SLC23A2: variants seen among roughly 807,000 people sequenced by gnomAD.
SLC23A2 encodes Na(+)/L-ascorbic acid transporter 2.
SLC23A2 carries 36 observed loss-of-function variants against 73.3 expected under a neutral mutation model. The ratio of observed to expected loss-of-function variants is 0.49; its 90% confidence interval spans 0.38 to 0.65. SLC23A2 has a LOEUF of 0.65. SLC23A2 is among the 30% of genes least tolerant of loss of function. SLC23A2 has a pLI of 0.00. For missense variants in SLC23A2, 507 were observed against 841.6 expected (o/e 0.60, Z 4.92); for synonymous variants, 343 against 327.3 (o/e 1.05, Z -0.52).
intron 6 of SLC23A2, among the ~76,000 whole-genome samples, chr20:4,895,761 G>C (rs966185603): frequency 1.3e-5 from 2 of 152,160 alleles, no homozygotes; most frequent in African/African-American, 4.8e-5. Context: ...CAATGGCCAT[G>C]CGTCCAGCTC....
At chr20:4,949,422 G>C (rs7267995) in intron 2 of SLC23A2, among the ~76,000 whole-genome samples, 1 of 151,734 alleles carries the variant, frequency 6.6e-6, no homozygotes, top group Non-Finnish European at 1.5e-5. Flanking sequence ...AAGTAAATAA[G>C]CACCTGAAAA....
At chr20:4,927,598 A>G (rs2122931965) in intron 3 of SLC23A2, among the ~76,000 whole-genome samples, 1 of 151,882 alleles carries the variant, frequency 6.6e-6, no homozygotes, top group African/African-American at 2.4e-5. Flanking sequence ...CTCAAATAAA[A>G]CCCATCATCT....
At chr20:5,009,595 T>C (rs1391458911) in intron 1 of SLC23A2, among the ~76,000 whole-genome samples, 1 of 152,190 alleles carries the variant, frequency 6.6e-6, no homozygotes, top group African/African-American at 2.4e-5. Context: ...ACACAGTAAG[T>C]TCTCAGTTCG....
chr20:4,877,906 C>T lies in SLC23A2; in HGVS notation c.825-3210G>A, dbSNP rs922619849. 3.3e-4 allele frequency among the ~76,000 whole-genome samples: 50 copies of T among 152,230 alleles called. 1 individual carries two copies. The highest frequency in any genetic ancestry group is 3.1e-3 in the Admixed American group (48 of 15,290). ...GCCGCACTAACCTTCCCTGAGACTCCGTCTCTAAACTCCATCTCCATCAGA... is the reference window on the plus strand; with the variant it reads ...GCCGCACTAACCTTCCCTGAGACTCTGTCTCTAAACTCCATCTCCATCAGA... On this transcript the variant is annotated intron_variant, in intron 9 of 16. Coordinates refer to ENST00000338244, the MANE Select transcript of SLC23A2 (RefSeq NM_005116.6).
intron 3 of SLC23A2, among the ~76,000 whole-genome samples, chr20:4,928,561 C>T (rs548061993): frequency 3.3e-5 from 5 of 152,268 alleles, no homozygotes; most frequent in Admixed American, 1.3e-4. Flanking sequence ...CATCTCTATC[C>T]TTGGCATTTC....
chr20:4,927,390 T>C (rs1157924936), intron 3 of SLC23A2, among the ~76,000 whole-genome samples: 1 of 152,202 alleles, frequency 6.6e-6, no homozygotes, highest in Non-Finnish European at 1.5e-5. Flanking sequence ...TGTGTGGGTA[T>C]ACCCAACGGT....
In SLC23A2 at chr20:4,899,440, C is replaced by T. The variant is rs1220017467; in HGVS notation, c.482+115G>A. 18 of 1,203,590 alleles carry T rather than the reference C, an allele frequency of 1.5e-5. No individual in the cohort carries two copies. Among genetic ancestry groups the T allele is most frequent in the Non-Finnish European group, 2.1e-5 (17 of 828,602 alleles). The allele number at this position is 1,203,590 out of a possible 1,614,324, so 74.6% of individuals were successfully genotyped here. A position where few individuals can be genotyped will look rare whatever the true frequency, so the allele number is the denominator to read the frequency against. On this transcript the variant is annotated intron_variant, in intron 6 of 16. Coordinates refer to ENST00000338244, the MANE Select transcript of SLC23A2 (RefSeq NM_005116.6). This position sits in a 1 kb window ranked among gnomAD's most constrained non-coding sequence, Gnocchi z 4.9. ...GGGACCAACGGCCACTAGGACATTC[C>T]CGTGCCTCCATTCTGTCCTTGCCAA...
At chr20:4,858,138 G>A (rs750742741) in intron 16 of SLC23A2, among the ~76,000 whole-genome samples, 1 of 152,092 alleles carries the variant, frequency 6.6e-6, no homozygotes, top group Non-Finnish European at 1.5e-5. Context: ...ACTTCATGCT[G>A]CTTTGCTCCA....
Position 4,998,475 on chromosome 20 carries a change from G to A in SLC23A2, c.-282+2931C>T, listed in dbSNP as rs1201195893. Among the ~76,000 whole-genome samples the A allele has an allele frequency of 2.0e-5, 3 of 152,090 alleles. No homozygotes were observed. The highest frequency in any genetic ancestry group is 2.1e-4 in the South Asian group (1 of 4,816). ...GAGAAAATGAGAAGAACGGCATAGC[G>A]CACAAAGGGCTCGTTTCAACCTAGA... On this transcript the variant is annotated intron_variant, in intron 1 of 16. Transcript: ENST00000338244. The surrounding 1 kb of genome is among the most constrained non-coding windows in gnomAD (Gnocchi z 4.1).
At chr20:4,997,862 T>C (rs1051306572) in intron 1 of SLC23A2, among the ~76,000 whole-genome samples, 8 of 152,072 alleles carry the variant, frequency 5.3e-5, no homozygotes, top group African/African-American at 1.9e-4. Context: ...TCTCAAGTGA[T>C]CCTCCTGCCT....
At position 4,867,751 on chromosome 20, in the gene SLC23A2, A is replaced by G; in HGVS notation, c.1356+19T>C. Reference sequence around the variant, plus strand: ...CAATGCTTAGAAACCCAATCATTTAATTAGAAAAATCTGTGTACCTTTGTA... The same window carrying G: ...CAATGCTTAGAAACCCAATCATTTAGTTAGAAAAATCTGTGTACCTTTGTA... On this transcript the variant is annotated intron_variant, in intron 13 of 16. Coordinates refer to ENST00000338244, the MANE Select transcript of SLC23A2 (RefSeq NM_005116.6). 1 of 1,394,198 alleles carries G rather than the reference A, an allele frequency of 7.2e-7. No individual in the cohort carries two copies. The highest frequency in any genetic ancestry group is 1.2e-5 in the South Asian group (1 of 85,642). 86.4% of individuals were successfully genotyped at this position (1,394,198 alleles called of 1,614,324 possible). A position where few individuals can be genotyped will look rare whatever the true frequency, so the allele number is the denominator to read the frequency against.
At chr20:4,920,474 C>T (rs532029626) in intron 3 of SLC23A2, among the ~76,000 whole-genome samples, 1 of 152,350 alleles carries the variant, frequency 6.6e-6, no homozygotes, top group East Asian at 1.9e-4. Flanking sequence ...CCTTCAATTA[C>T]ACCTGAGTGA....
At chr20:4,905,056 G>A (rs1461547928) in intron 4 of SLC23A2, among the ~76,000 whole-genome samples, 1 of 145,774 alleles carries the variant, frequency 6.9e-6, no homozygotes, top group Non-Finnish European at 1.5e-5. Context: ...AGAGGTTGCA[G>A]TAAGCCAAGA....
At chr20:4,887,792 G>A (rs1338287814) in intron 6 of SLC23A2, among the ~76,000 whole-genome samples, 1 of 152,172 alleles carries the variant, frequency 6.6e-6, no homozygotes, top group Non-Finnish European at 1.5e-5. Context: ...AGGCAACACC[G>A]CCTGACACAA....
intron 2 of SLC23A2, among the ~76,000 whole-genome samples, chr20:4,963,338 G>A (rs372990255): frequency 4.2e-4 from 64 of 152,198 alleles, no homozygotes; most frequent in African/African-American, 1.0e-3. Flanking sequence ...GAAAATAAGC[G>A]AAGGGTATAT....
chr20:4,888,725 T>C (rs1931200266), intron 6 of SLC23A2, among the ~76,000 whole-genome samples: 2 of 152,172 alleles, frequency 1.3e-5, no homozygotes, highest in Admixed American at 6.5e-5. Flanking sequence ...ACAGAGAAAA[T>C]ATCACCTCCT....
At chr20:4,967,770 C>T (rs765861073) in intron 2 of SLC23A2, among the ~76,000 whole-genome samples, 5 of 152,114 alleles carry the variant, frequency 3.3e-5, no homozygotes, top group East Asian at 1.9e-4. Flanking sequence ...AACTGAGTTC[C>T]GCAGCATCTG....
intron 4 of SLC23A2, among the ~76,000 whole-genome samples, chr20:4,905,651 T>A (rs182650272): frequency 9.2e-5 from 14 of 152,332 alleles, no homozygotes; most frequent in Admixed American, 4.6e-4. Context: ...ACCTTTGCTA[T>A]CTCCTCTGCG....
intron 1 of SLC23A2, among the ~76,000 whole-genome samples, chr20:4,996,832 G>A (rs1261773910): frequency 1.3e-5 from 2 of 152,150 alleles, no homozygotes; most frequent in Middle Eastern, 3.4e-3. Flanking sequence ...CTTGGCTGAG[G>A]TCACCTGAGG....
Sources: allele counts gnomAD v4.1 joint callset (sites outside exome capture counted in the v4.1 genomes callset), GRCh38; gene constraint gnomAD v4.1.1; non-coding constraint Gnocchi (gnomAD v3.1); transcripts MANE v1.5; gene names NCBI Gene and HGNC (gene_info 2026-07-23, HGNC 2026-07-21).